The following COPE variants were observed in gnomAD, a reference collection of about 807,000 sequenced individuals.
The protein encoded by COPE is coat protein complex I subunit epsilon.
Under a neutral mutation model 42.1 loss-of-function variants are expected in COPE, and 19 were observed. That is an observed-to-expected ratio of 0.45 (90% CI 0.31 to 0.66). The LOEUF (loss-of-function observed/expected upper bound fraction) is 0.66, where lower values mean the gene tolerates loss of function less well. COPE is among the 30% of genes least tolerant of loss of function. COPE has a pLI of 0.05. For missense variants in COPE, 402 were observed against 416.1 expected (o/e 0.97, Z 0.30); for synonymous variants, 195 against 181.3 (o/e 1.08, Z -0.60).
intron 6 of COPE, 45 bp downstream of exon 6, chr19:18,904,726 G>T: frequency 6.6e-7 from 1 of 1,518,534 alleles, no homozygotes; most frequent in Non-Finnish European, 8.9e-7. Context: ...ACCCTGCTCA[G>T]CCAGGTGCCC....
chr19:18,918,270 G>A (rs1601240715), intron 1 of COPE, among the ~76,000 whole-genome samples: 1 of 150,266 alleles, frequency 6.7e-6, no homozygotes. Context: ...TCCCAGATAA[G>A]CACAACGAAG....
intron 3 of COPE, 199 bp downstream of exon 3, chr19:18,910,772 C>G: frequency 1.7e-6 from 1 of 602,416 alleles, no homozygotes; most frequent in East Asian, 2.8e-5. Flanking sequence ...CCCTTTGAAG[C>G]AGGATCCATC....
chr19:18,901,346 G>A (rs1294535497), intron 7 of COPE, among the ~76,000 whole-genome samples: 1 of 152,290 alleles, frequency 6.6e-6, no homozygotes, highest in Non-Finnish European at 1.5e-5. Flanking sequence ...AGTGTTCTCA[G>A]GTGGCAGGGA....
intron 1 of COPE, among the ~76,000 whole-genome samples, chr19:18,915,396 G>A (rs1004788944): frequency 5.3e-5 from 8 of 152,212 alleles, no homozygotes; most frequent in Non-Finnish European, 4.4e-5. Context: ...AAGAGTGCCG[G>A]GAAGCATAAC....
intron 1 of COPE, among the ~76,000 whole-genome samples, chr19:18,919,004 C>T (rs1196199401): frequency 6.6e-6 from 1 of 152,374 alleles, no homozygotes; most frequent in East Asian, 1.9e-4. Flanking sequence ...CTTTCAAGGG[C>T]GCAGAGAGAA....
chr19:18,912,074 T>C (rs1009821019), intron 2 of COPE, among the ~76,000 whole-genome samples: 1 of 151,958 alleles, frequency 6.6e-6, no homozygotes, highest in African/African-American at 2.4e-5. Flanking sequence ...CTCGAACTCC[T>C]GACCTCAGGT....
intron 3 of COPE, 63 bp from the exon 4 acceptor site, chr19:18,907,175 C>T: frequency 1.3e-6 from 2 of 1,555,700 alleles, no homozygotes; most frequent in Non-Finnish European, 1.7e-6. Context: ...TCAGAGGGTC[C>T]CCTTCCTTGG....
At chr19:18,904,685 G>A in intron 6 of COPE, 86 bp downstream of exon 6, 6 of 1,204,990 alleles carry the variant, frequency 5.0e-6, no homozygotes, top group Non-Finnish European at 4.7e-6. Context: ...GGAGTGGCCA[G>A]CAGCCTACGC....
intron 6 of COPE, 74 bp from the exon 7 acceptor site, chr19:18,903,497 C>CCG: frequency 2.7e-6 from 4 of 1,498,528 alleles, no homozygotes; most frequent in Non-Finnish European, 3.6e-6. Context: ...CCTCCCCTAG[C>CCG]GGGGGGGACT....
In COPE at chr19:18,903,526, G is replaced by T. The variant is rs568543074; in HGVS notation, c.580-103C>A. On this transcript the variant is annotated intron_variant, in intron 6 of 9. Coordinates refer to ENST00000262812, the MANE Select transcript of COPE (RefSeq NM_007263.4). ...GGGGACTCCAGCACTGCACAGAGAC[G>T]AATCTGGTGTGCCCGGTTCAAGGCA... is the stretch of plus-strand genomic sequence containing the variant. 6 of 1,343,530 alleles carry T rather than the reference G, an allele frequency of 4.5e-6. No homozygotes were observed. In the African/African-American group the frequency reaches 4.5e-5, roughly 10 times the overall value. The allele number at this position is 1,343,530 out of a possible 1,614,324, so 83.2% of individuals were successfully genotyped here. A position where few individuals can be genotyped will look rare whatever the true frequency, so the allele number is the denominator to read the frequency against.
At chr19:18,909,902 A>T (rs1056407981) in intron 3 of COPE, among the ~76,000 whole-genome samples, 1 of 152,142 alleles carries the variant, frequency 6.6e-6, no homozygotes, top group African/African-American at 2.4e-5. Flanking sequence ...TCTTAATCTG[A>T]TCGGCAAAGA....
At chr19:18,903,959 G>A (rs549314238) in intron 6 of COPE, among the ~76,000 whole-genome samples, 101 of 152,354 alleles carry the variant, frequency 6.6e-4, no homozygotes, top group African/African-American at 2.3e-3. Flanking sequence ...GGCGGGCAGG[G>A]ACGGGGAGCA....
intron 4 of COPE, 72 bp downstream of exon 4, chr19:18,906,888 G>T: frequency 6.8e-7 from 1 of 1,465,596 alleles, no homozygotes; most frequent in Non-Finnish European, 9.1e-7. Context: ...CAGCGAGGCC[G>T]TGCGCAGCCT....
chr19:18,917,212 AG>A (rs1470967618), intron 1 of COPE, among the ~76,000 whole-genome samples: 1 of 149,118 alleles, frequency 6.7e-6, no homozygotes, highest in Non-Finnish European at 1.5e-5. Flanking sequence ...GGTGAAGACA[AG>A]AAAGCCTACT....
chr19:18,915,603 A>G (rs2056847790), intron 1 of COPE, among the ~76,000 whole-genome samples: 1 of 152,204 alleles, frequency 6.6e-6, no homozygotes, highest in South Asian at 2.1e-4. Flanking sequence ...CACATCCACC[A>G]AGGTCACCTG....
chr19:18,910,921 C>T, intron 3 of COPE, 50 bp downstream of exon 3: 2 of 1,529,424 alleles, frequency 1.3e-6, no homozygotes, highest in Non-Finnish European at 1.8e-6. Context: ...AACCAACAGG[C>T]CTTGAAGATG....
chr19:18,904,479 G>T (rs1410388341), intron 6 of COPE, among the ~76,000 whole-genome samples: 1 of 152,256 alleles, frequency 6.6e-6, no homozygotes, highest in African/African-American at 2.4e-5. Context: ...AGGAAGCCCT[G>T]AGGGGAGGAG....
intron 3 of COPE, among the ~76,000 whole-genome samples, chr19:18,907,602 G>A (rs1440745245): frequency 1.3e-5 from 2 of 152,218 alleles, no homozygotes; most frequent in African/African-American, 4.8e-5. Context: ...CCCTGAAGAT[G>A]GCCAGTGTGC....
intron 2 of COPE, among the ~76,000 whole-genome samples, chr19:18,912,324 T>G (rs1334615185): frequency 9.2e-5 from 14 of 152,038 alleles, no homozygotes; most frequent in Admixed American, 9.2e-4. Context: ...TTTTTTAATT[T>G]TTTTTTGTAG....
Sources: gnomAD v4.1 joint callset for allele counts (sites outside exome capture counted in the v4.1 genomes callset) on GRCh38, gnomAD v4.1.1 for gene constraint, MANE v1.5 for transcripts, NCBI Gene and HGNC (gene_info 2026-07-23, HGNC 2026-07-21) for gene names.